Variants in GALNT14 observed in about 807,000 individuals in gnomAD.
The protein encoded by GALNT14 is polypeptide N-acetylgalactosaminyltransferase 14, also known as UDP-GalNAc:polypeptide N-acetylgalactosaminyltransferase 14.
GALNT14 carries 60 observed loss-of-function variants against 77.5 expected under a neutral mutation model. The ratio of observed to expected loss-of-function variants is 0.77; its 90% CI spans 0.63 to 0.96. The LOEUF is 0.96. Ranked by LOEUF, GALNT14 falls within the 40% of genes least tolerant of loss-of-function variation. The pLI is 0.00. For missense variants in GALNT14, 710 were observed against 731.0 expected (o/e 0.97, Z 0.33); for synonymous variants, 280 against 281.7 (o/e 0.99, Z 0.06).
chr2:31,088,793 G>T (rs1200800341), intron 1 of GALNT14, among the ~76,000 whole-genome samples: 1 of 152,080 alleles, frequency 6.6e-6, no homozygotes, highest in Non-Finnish European at 1.5e-5. Flanking sequence ...AAGAGGATTT[G>T]GCTGCCTGAA....
At chr2:30,900,948 T>C in the GALNT14 span, among the ~76,000 whole-genome samples, 1 of 152,158 alleles carries the variant, frequency 6.6e-6, no homozygotes, top group Admixed American at 6.5e-5. Context: ...GGAGTGGTGA[T>C]GGCATGGAGC....
intron 1 of GALNT14, among the ~76,000 whole-genome samples, chr2:31,089,830 C>T (rs956286855): frequency 1.3e-5 from 2 of 152,142 alleles, no homozygotes; most frequent in African/African-American, 4.8e-5. Context: ...ACCATGCAGA[C>T]CTTGTTTATA....
chr2:30,960,434 G>A (rs895712994), intron 3 of GALNT14, among the ~76,000 whole-genome samples: 1 of 152,128 alleles, frequency 6.6e-6, no homozygotes, highest in Non-Finnish European at 1.5e-5. Context: ...GCTCTGCACT[G>A]GTTGAACTGA....
chr2:31,131,532 T>C (rs1201820670), intron 1 of GALNT14, among the ~76,000 whole-genome samples: 1 of 152,194 alleles, frequency 6.6e-6, no homozygotes, highest in Non-Finnish European at 1.5e-5. Context: ...GACTTTGGGA[T>C]GCTATAGAAG....
chr2:31,101,024 T>C, intron 1 of GALNT14, among the ~76,000 whole-genome samples: 1 of 152,066 alleles, frequency 6.6e-6, no homozygotes, highest in East Asian at 1.9e-4. Context: ...ATTGAAGGCA[T>C]ATTCTTTTTT....
At chr2:31,084,616 A>G (rs1676322658) in intron 1 of GALNT14, among the ~76,000 whole-genome samples, 1 of 152,212 alleles carries the variant, frequency 6.6e-6, no homozygotes, top group Non-Finnish European at 1.5e-5. Flanking sequence ...AGACTGGAAT[A>G]ATGGGTCTCT....
At chr2:31,083,326 A>G (rs1862977) in intron 1 of GALNT14, among the ~76,000 whole-genome samples, 90,268 of 152,070 alleles carry the variant, frequency 0.59, 27,587 homozygotes, top group African/African-American at 0.75. Context: ...GTTCTTGGAT[A>G]TAGAACTGAG....
Position 30,942,286 on chromosome 2 carries a change from T to C in GALNT14, c.846A>G (p.Gly282=), listed in dbSNP as rs1029858180. The change falls in exon 9 of 15, where the codon GGA becomes GGG. Residue 282 remains glycine, a synonymous_variant. Coordinates refer to ENST00000349752, the MANE Select transcript of GALNT14 (RefSeq NM_024572.4). ...AAGCTTTGTCGATCACGAAGAGCCCTCCAGCTATGATAGGAGTCCTGTGCA... is the reference window on the plus strand; with the variant it reads ...AAGCTTTGTCGATCACGAAGAGCCCCCCAGCTATGATAGGAGTCCTGTGCA... ...TEPIRTPIIA[G]GLFVIDKAWF... 1 of 1,613,698 alleles carries C rather than the reference T, an allele frequency of 6.2e-7. No individual in the cohort carries two copies. Among genetic ancestry groups the C allele is most frequent in the African/African-American group, 1.3e-5 (1 of 74,880 alleles).
intron 1 of GALNT14, 91 bp downstream of exon 1, chr2:31,137,867 T>C: frequency 6.7e-7 from 1 of 1,491,826 alleles, no homozygotes; most frequent in Non-Finnish European, 9.0e-7. Flanking sequence ...ACCCTCGCCC[T>C]GGTTTCCCGG....
intron 2 of GALNT14, among the ~76,000 whole-genome samples, chr2:30,970,705 A>C (rs1438488826): frequency 6.6e-6 from 1 of 152,086 alleles, no homozygotes; most frequent in Non-Finnish European, 1.5e-5. Flanking sequence ...CTGTCCCTGC[A>C]GAGTAAAGAA....
At position 30,992,831 on chromosome 2, in the gene GALNT14, G is replaced by C; in HGVS notation, c.299+7C>G. On this transcript the variant is annotated splice_region_variant and intron_variant, in intron 2 of 14. Transcript: ENST00000349752. The stretch of plus-strand genomic sequence containing the variant: ...GGGGGTAACAGAGTGGGAGAAGGAG[G>C]AAGTACCTCAGATGGCGAGTGTCCG... The C allele has an allele frequency of 6.2e-7, 1 of 1,612,352 alleles. No individual in the cohort carries two copies. Among genetic ancestry groups the C allele is most frequent in the Non-Finnish European group, 8.5e-7 (1 of 1,178,528 alleles).
At chr2:31,009,634 C>T in intron 1 of GALNT14, among the ~76,000 whole-genome samples, 1 of 152,192 alleles carries the variant, frequency 6.6e-6, no homozygotes, top group East Asian at 1.9e-4. Flanking sequence ...GTCTCACAAG[C>T]ATCTCACCTT....
intron 1 of GALNT14, among the ~76,000 whole-genome samples, chr2:31,035,177 A>G (rs538579003): frequency 1.2e-4 from 19 of 152,190 alleles, no homozygotes; most frequent in Admixed American, 1.2e-3. Flanking sequence ...TAGCCATTCT[A>G]CCTATTATCA....
At chr2:30,945,465 G>GCC (rs1468517060) in intron 7 of GALNT14, among the ~76,000 whole-genome samples, 1 of 152,212 alleles carries the variant, frequency 6.6e-6, no homozygotes, top group Non-Finnish European at 1.5e-5. Context: ...AGAGGGTGGT[G>GCC]CCCACTGCTG....
intron 1 of GALNT14, among the ~76,000 whole-genome samples, chr2:31,059,132 G>A (rs945268803): frequency 5.3e-5 from 8 of 152,220 alleles, no homozygotes; most frequent in African/African-American, 1.2e-4. Flanking sequence ...ACAAGTTGGA[G>A]GGTTGAAAAG....
chr2:31,089,298 G>A (rs371219578), intron 1 of GALNT14, among the ~76,000 whole-genome samples: 9 of 152,202 alleles, frequency 5.9e-5, no homozygotes, highest in South Asian at 4.2e-4. Context: ...TGAGACATTC[G>A]GATCACGTTT....
rs1016594972 is a variant in GALNT14, at chr2:31,057,736, T to C, written c.130-64729A>G. On this transcript the variant is annotated intron_variant, in intron 1 of 14. Coordinates refer to ENST00000349752, the MANE Select transcript of GALNT14 (RefSeq NM_024572.4). Reference sequence around the variant, plus strand: ...TGCTGTCAGGCTTAGGTCTGCATGATGGCTATGCTCCCTTGGCCCCTTCCC... The same window carrying C: ...TGCTGTCAGGCTTAGGTCTGCATGACGGCTATGCTCCCTTGGCCCCTTCCC... Among the ~76,000 whole-genome samples, 9 of 152,224 alleles carry C rather than the reference T, an allele frequency of 5.9e-5. No homozygotes were observed. In the South Asian group the frequency reaches 1.2e-3, roughly 21 times the overall value.
In GALNT14 at chr2:30,932,041, A is replaced by G. The variant is rs568124717; in HGVS notation, c.1058+27T>C. On this transcript the variant is annotated intron_variant, in intron 10 of 14. Coordinates refer to ENST00000349752, the MANE Select transcript of GALNT14 (RefSeq NM_024572.4). ...GCCTTGGCTGCCTGTGCTGCTGCCC[A>G]CCCGCGCTGAGCCCCTGGGCACTTA... 6.1e-6 allele frequency: 9 copies of G among 1,481,920 alleles called. No homozygotes were observed. In the South Asian group the frequency reaches 1.3e-4, roughly 21 times the overall value. 91.8% of individuals were successfully genotyped at this position (1,481,920 alleles called of 1,614,324 possible).
Position 30,972,494 on chromosome 2 carries a change from C to T in GALNT14, c.300-6192G>A, listed in dbSNP as rs1236529326. Among the ~76,000 whole-genome samples the T allele has an allele frequency of 1.3e-5, 2 of 152,200 alleles. 1 individual carries two copies. The highest frequency in any genetic ancestry group is 2.9e-5 in the Non-Finnish European group (2 of 68,034). ...AGCAGGCACCACGCAGAGCACCTCA[C>T]ATATTTACTGCTCACAGTAATCCTA... On this transcript the variant is annotated intron_variant, in intron 2 of 14. Transcript: ENST00000349752.
Sources: gnomAD v4.1 joint callset for allele counts (sites outside exome capture counted in the v4.1 genomes callset) on GRCh38, gnomAD v4.1.1 for gene constraint, MANE v1.5 for transcripts, NCBI Gene and HGNC (gene_info 2026-07-23, HGNC 2026-07-21) for gene names.